TYW1: variants seen among roughly 807,000 people sequenced by gnomAD.
TYW1 encodes the protein tRNA-yW synthesizing protein 1 homolog.
A neutral mutation model predicts 96.2 loss-of-function variants in TYW1; 46 were observed. The observed-to-expected ratio is 0.48, with a 90% CI of 0.38 to 0.61. The LOEUF is 0.61. Among genes scored for constraint, TYW1 ranks in the 20% least tolerant of loss-of-function variants. The pLI, the probability that TYW1 is intolerant of heterozygous loss-of-function variation, is 0.00. For missense variants in TYW1, 684 were observed against 909.6 expected (o/e 0.75, Z 3.19); for synonymous variants, 274 against 323.0 (o/e 0.85, Z 1.63).
At chr7:66,997,817 C>CG (rs1454241721) in intron 1 of TYW1, among the ~76,000 whole-genome samples, 2 of 151,754 alleles carry the variant, frequency 1.3e-5, no homozygotes, top group African/African-American at 4.9e-5. Flanking sequence ...TTAGTAGAGG[C>CG]GGGGTTTCAC....
chr7:67,142,629 G>A (rs566083293), intron 13 of TYW1, among the ~76,000 whole-genome samples: 1 of 152,038 alleles, frequency 6.6e-6, no homozygotes, highest in South Asian at 2.1e-4. Context: ...GCAGGGTTTC[G>A]CCATGTTGGC....
chr7:67,111,942 CA>C (rs1563019490), intron 12 of TYW1, among the ~76,000 whole-genome samples: 1 of 151,288 alleles, frequency 6.6e-6, no homozygotes, highest in Non-Finnish European at 1.5e-5. Context: ...ACTAAAAATT[CA>C]AAAAAATTGG....
At chr7:67,082,114 G>T (rs1262301044) in intron 10 of TYW1, among the ~76,000 whole-genome samples, 1 of 151,380 alleles carries the variant, frequency 6.6e-6, no homozygotes, top group Non-Finnish European at 1.5e-5. Context: ...TACAGGCCTC[G>T]ATTTTCCTTT....
chr7:67,218,214 A>G (rs1801263874), intron 15 of TYW1, among the ~76,000 whole-genome samples: 2 of 151,552 alleles, frequency 1.3e-5, no homozygotes. Context: ...ATGTATTTCT[A>G]TTTATTTATG....
At chr7:67,127,185 G>T (rs1269516457) in intron 13 of TYW1, among the ~76,000 whole-genome samples, 1 of 146,500 alleles carries the variant, frequency 6.8e-6, no homozygotes, top group African/African-American at 2.5e-5. Context: ...TCGAGATCGA[G>T]TCTCACTCTG....
intron 10 of TYW1, among the ~76,000 whole-genome samples, chr7:67,067,878 C>T (rs535367573): frequency 1.2e-4 from 18 of 152,194 alleles, no homozygotes; most frequent in African/African-American, 3.1e-4. Flanking sequence ...TGTTTTTCAG[C>T]TGGTTACAGC....
intron 3 of TYW1, among the ~76,000 whole-genome samples, chr7:67,005,019 G>A (rs1793521146): frequency 6.6e-6 from 1 of 152,082 alleles, no homozygotes; most frequent in Non-Finnish European, 1.5e-5. Context: ...GCCTCCCAAA[G>A]TGCTGGGATT....
At chr7:67,230,268 A>G (rs929332901) in intron 15 of TYW1, among the ~76,000 whole-genome samples, 1 of 151,196 alleles carries the variant, frequency 6.6e-6, no homozygotes, top group African/African-American at 2.4e-5. Flanking sequence ...ACCCAGTAGG[A>G]CACTTCACAA....
At chr7:67,189,496 C>A (rs1158376516) in intron 14 of TYW1, among the ~76,000 whole-genome samples, 1 of 151,410 alleles carries the variant, frequency 6.6e-6, no homozygotes, top group African/African-American at 2.4e-5. Context: ...CGTGTCAGAT[C>A]TGGGGTCTCC....
intron 7 of TYW1, among the ~76,000 whole-genome samples, chr7:67,047,020 C>T (rs560278012): frequency 4.5e-4 from 69 of 152,244 alleles, no homozygotes; most frequent in Non-Finnish European, 7.8e-4. Context: ...TCATGGACCT[C>T]GGTCCAGTTT....
chr7:67,127,332 T>A (rs1006309175), intron 13 of TYW1, among the ~76,000 whole-genome samples: 7 of 151,878 alleles, frequency 4.6e-5, no homozygotes, highest in African/African-American at 7.3e-5. Flanking sequence ...CTAATTTTTT[T>A]AATCTTTAGT....
chr7:67,083,323 A>T, intron 10 of TYW1, 107 bp from the exon 11 acceptor site: 1 of 1,105,654 alleles, frequency 9.0e-7, no homozygotes, highest in Non-Finnish European at 1.3e-6. Flanking sequence ...CTTAGGAGGA[A>T]ACCAGTCCTG....
chr7:67,013,981 G>C (rs2129241187), intron 4 of TYW1, among the ~76,000 whole-genome samples: 1 of 152,060 alleles, frequency 6.6e-6, no homozygotes, highest in Admixed American at 6.6e-5. Flanking sequence ...CTGACATTGT[G>C]ATCCGCCCGC....
chr7:67,018,787 CT>C (rs1483959196), intron 6 of TYW1, among the ~76,000 whole-genome samples: 1 of 151,594 alleles, frequency 6.6e-6, no homozygotes, highest in Non-Finnish European at 1.5e-5. Flanking sequence ...GAAACCCCAT[CT>C]CTACTAAAAA....
At chr7:67,102,257 T>G (rs141837221) in intron 12 of TYW1, among the ~76,000 whole-genome samples, 2,619 of 152,298 alleles carry the variant, frequency 0.017, 75 homozygotes, top group African/African-American at 0.059. Context: ...GAGTATGATA[T>G]AAGATATTTA....
Position 67,233,470 on chromosome 7 carries a change from C to G in TYW1, c.1978-4838C>G, listed in dbSNP as rs1418775010. On this transcript the variant is annotated intron_variant, in intron 15 of 15. Transcript: ENST00000359626. ...TCATCTAGCCAGCAAGGCCACAGAC[C>G]CTTAGCAGCCTGGCTTTTTTAAGTC... Among the ~76,000 whole-genome samples the G allele has an allele frequency of 3.0e-5, 4 of 134,554 alleles. 1 individual carries two copies. Among genetic ancestry groups the G allele is most frequent in the Non-Finnish European group, 6.4e-5 (4 of 62,692 alleles). The allele number at this position is 134,554 out of a possible 152,430, so 88.3% of individuals were successfully genotyped here. A position where few individuals can be genotyped will look rare whatever the true frequency, so the allele number is the denominator to read the frequency against.
intron 11 of TYW1, among the ~76,000 whole-genome samples, chr7:67,096,620 G>T (rs1011585695): frequency 1.3e-5 from 2 of 151,468 alleles, no homozygotes; most frequent in African/African-American, 4.9e-5. Flanking sequence ...ACAAGTGCAG[G>T]TTTGTTACAT....
chr7:67,076,011 G>C (rs1298102625), intron 10 of TYW1, among the ~76,000 whole-genome samples: 2 of 152,104 alleles, frequency 1.3e-5, no homozygotes, highest in African/African-American at 4.8e-5. Flanking sequence ...ATTTTCCCTG[G>C]CATACTTATA....
chr7:67,072,934 G>GTTTTTTTTTTTT (rs529812538), intron 10 of TYW1, among the ~76,000 whole-genome samples: 1 of 71,222 alleles, frequency 1.4e-5, no homozygotes, highest in African/African-American at 6.5e-5. Flanking sequence ...TGCCTATCCA[G>GTTTTTTTTTTTT]TTTTTTTTTT....
Sources: allele counts gnomAD v4.1 joint callset (sites outside exome capture counted in the v4.1 genomes callset), GRCh38; gene constraint gnomAD v4.1.1; transcripts MANE v1.5; gene names NCBI Gene and HGNC (gene_info 2026-07-23, HGNC 2026-07-21).